CACNA1C: variants seen among roughly 807,000 people sequenced by gnomAD.
The protein encoded by CACNA1C is calcium voltage-gated channel subunit alpha1 C.
Under a neutral mutation model 229.0 loss-of-function variants are expected in CACNA1C, and 30 were observed. That is an observed-to-expected ratio of 0.13 (90% CI 0.10 to 0.18). The LOEUF (loss-of-function observed/expected upper bound fraction) is 0.18, where lower values mean the gene tolerates loss of function less well. Ranked by LOEUF, CACNA1C falls within the 10% of genes least tolerant of loss-of-function variation. The pLI, the probability that CACNA1C is intolerant of heterozygous loss-of-function variation, is 1.00. For synonymous variants in CACNA1C, 1,114 were observed against 1,132.5 expected (o/e 0.98, Z 0.33); for missense variants, 1,658 against 2,845.0 (o/e 0.58, Z 9.49).
intron 3 of CACNA1C, among the ~76,000 whole-genome samples, chr12:2,230,493 C>T (rs1016544719): frequency 1.3e-5 from 2 of 152,180 alleles, no homozygotes; most frequent in African/African-American, 4.8e-5. Context: ...GAGGGTAGAA[C>T]CTGAGTGTCC....
intron 3 of CACNA1C, among the ~76,000 whole-genome samples, chr12:2,242,668 T>C (rs1463958299): frequency 6.6e-6 from 1 of 152,232 alleles, no homozygotes; most frequent in Non-Finnish European, 1.5e-5. Context: ...TCCTAGTTAG[T>C]GAAGCATCGT....
At chr12:2,240,398 T>G (rs2069440424) in intron 3 of CACNA1C, among the ~76,000 whole-genome samples, 1 of 152,226 alleles carries the variant, frequency 6.6e-6, no homozygotes. Context: ...GGGATTTGGA[T>G]TGCATTTTAG....
intron 1 of CACNA1C, among the ~76,000 whole-genome samples, chr12:1,997,501 T>C (rs549473481): frequency 1.8e-4 from 27 of 152,330 alleles, no homozygotes; most frequent in African/African-American, 6.3e-4. Context: ...CACTCCAGCC[T>C]TGGTGACAGA....
intron 13 of CACNA1C, among the ~76,000 whole-genome samples, chr12:2,570,613 A>T (rs533075683): frequency 3.5e-4 from 53 of 152,284 alleles, no homozygotes; most frequent in African/African-American, 1.2e-3. Context: ...GCTCAGAGAG[A>T]TGGAAAAAAT....
intron 1 of CACNA1C, among the ~76,000 whole-genome samples, chr12:2,114,494 A>G (rs921505041): frequency 1.3e-5 from 2 of 152,188 alleles, no homozygotes; most frequent in Non-Finnish European, 2.9e-5. Flanking sequence ...ATCTTTCTCA[A>G]TGAAAAGGGA....
chr12:2,617,891 A>G (rs1054422603), intron 29 of CACNA1C, among the ~76,000 whole-genome samples: 3 of 152,244 alleles, frequency 2.0e-5, no homozygotes. Context: ...CCAGTTTCTC[A>G]TCTACTCTGT....
chr12:2,636,036 A>G (rs4765966), intron 30 of CACNA1C, among the ~76,000 whole-genome samples: 131,158 of 152,218 alleles, frequency 0.86, 57,702 homozygotes, highest in South Asian at 0.96. Context: ...TCCCACTCAT[A>G]CACATAAAGG....
chr12:2,153,853 A>C (rs2095418375), intron 3 of CACNA1C, among the ~76,000 whole-genome samples: 1 of 152,242 alleles, frequency 6.6e-6, no homozygotes, highest in Non-Finnish European at 1.5e-5. Context: ...GGTACTTGGC[A>C]AAATCTGAAA....
At chr12:2,186,624 T>C (rs1223909643) in intron 3 of CACNA1C, among the ~76,000 whole-genome samples, 3 of 152,222 alleles carry the variant, frequency 2.0e-5, no homozygotes, top group Non-Finnish European at 4.4e-5. Flanking sequence ...GTTCATACCA[T>C]GTGCCTGGAA....
chr12:2,103,891 G>A (rs556115787), intron 1 of CACNA1C, among the ~76,000 whole-genome samples: 2 of 152,274 alleles, frequency 1.3e-5, no homozygotes, highest in East Asian at 3.9e-4. Context: ...GGTTGTAGAT[G>A]TGTGGCATTA....
At chr12:2,360,759 T>C (rs1367822086) in intron 3 of CACNA1C, among the ~76,000 whole-genome samples, 1 of 151,956 alleles carries the variant, frequency 6.6e-6, no homozygotes, top group African/African-American at 2.4e-5. Flanking sequence ...TACTGGCTGT[T>C]TGAAGAATTG....
chr12:2,378,390 G>A (rs979435070), intron 3 of CACNA1C, among the ~76,000 whole-genome samples: 2 of 152,126 alleles, frequency 1.3e-5, no homozygotes, highest in African/African-American at 4.8e-5. Context: ...TTTTAAAACT[G>A]TTTTTACATT....
At chr12:2,318,239 G>A (rs532390239) in intron 3 of CACNA1C, among the ~76,000 whole-genome samples, 1 of 152,350 alleles carries the variant, frequency 6.6e-6, no homozygotes, top group East Asian at 1.9e-4. Context: ...TTCTGGGGCG[G>A]GAACTCACAG....
intron 1 of CACNA1C, among the ~76,000 whole-genome samples, chr12:2,038,117 A>C (rs1367080600): frequency 2.0e-5 from 3 of 152,208 alleles, no homozygotes; most frequent in African/African-American, 4.8e-5. Flanking sequence ...TGCACTCAAC[A>C]TAGCCCAGGT....
chr12:2,550,143 T>G, intron 10 of CACNA1C, 110 bp downstream of exon 10: 1 of 808,728 alleles, frequency 1.2e-6, no homozygotes, highest in East Asian at 2.7e-5. Context: ...GGGCAGAGAT[T>G]AGAGCCGGTG....
At chr12:2,454,782 T>G (rs142538217) in intron 4 of CACNA1C, among the ~76,000 whole-genome samples, 9 of 152,294 alleles carry the variant, frequency 5.9e-5, no homozygotes, top group Non-Finnish European at 1.2e-4. Flanking sequence ...CACCCGTGCC[T>G]CTCTCGTCAC....
chr12:2,374,021 A>T (rs1004293380), intron 3 of CACNA1C, among the ~76,000 whole-genome samples: 1 of 152,218 alleles, frequency 6.6e-6, no homozygotes, highest in Admixed American at 6.5e-5. Flanking sequence ...CTTGGTTGCC[A>T]CAGTGGTCAA....
At chr12:2,177,583 CCCTCCCTTCCTT>C (rs1156496214) in intron 3 of CACNA1C, among the ~76,000 whole-genome samples, 5 of 63,578 alleles carry the variant, frequency 7.9e-5, no homozygotes, top group East Asian at 7.3e-4. Flanking sequence ...CTCCCTCCCT[CCCTCCCTTCCTT>C]CCTTCCTTCC....
At chr12:1,999,048 A>T (rs2041579885) in intron 1 of CACNA1C, among the ~76,000 whole-genome samples, 1 of 152,240 alleles carries the variant, frequency 6.6e-6, no homozygotes, top group Non-Finnish European at 1.5e-5. Flanking sequence ...ACTTTAGTTC[A>T]GTGGGTCTCA....
Sources: allele counts gnomAD v4.1 joint callset (sites outside exome capture counted in the v4.1 genomes callset), GRCh38; gene constraint gnomAD v4.1.1; transcripts MANE v1.5; gene names NCBI Gene and HGNC (gene_info 2026-07-23, HGNC 2026-07-21).